Variants in ANTXR1 observed in about 807,000 individuals in gnomAD.
The protein encoded by ANTXR1 is anthrax toxin receptor 1.
In ANTXR1, 19 loss-of-function variants were observed where a neutral mutation model predicts 78.1. That is an observed-to-expected ratio of 0.24 (90% CI 0.17 to 0.36). ANTXR1 has a LOEUF of 0.36. Ranked by LOEUF, ANTXR1 falls within the 10% of genes least tolerant of loss-of-function variation. The probability of loss-of-function intolerance (pLI) is 1.00; values close to 1 mark genes in which losing one functional copy is unlikely to be tolerated. For missense variants in ANTXR1, 518 were observed against 718.6 expected (o/e 0.72, Z 3.19); for synonymous variants, 273 against 260.5 (o/e 1.05, Z -0.46).
intron 13 of ANTXR1, among the ~76,000 whole-genome samples, chr2:69,165,591 CA>C (rs1673805087): frequency 1.3e-5 from 2 of 152,240 alleles, no homozygotes; most frequent in African/African-American, 4.8e-5. Context: ...AGAGGCAAAA[CA>C]GGGGACCACA....
rs201057228 is a variant in ANTXR1 at position 69,225,267 on chromosome 2, G to A, written c.1435-19958G>A. 2.0e-5 allele frequency among the ~76,000 whole-genome samples: 3 copies of A among 152,240 alleles called. No individual in the cohort carries two copies. In the East Asian group the frequency reaches 5.8e-4, roughly 29 times the overall value. Reference sequence around the variant, plus strand: ...GAATTTCTCTCCTGGGTAACACTCTGGCATTTTAAAAGGAGTCTCCATGAG... The same window carrying A: ...GAATTTCTCTCCTGGGTAACACTCTAGCATTTTAAAAGGAGTCTCCATGAG... On this transcript the variant is annotated intron_variant, in intron 17 of 17. Transcript: ENST00000303714.
chr2:69,080,741 G>A (rs1176079263), intron 8 of ANTXR1, among the ~76,000 whole-genome samples: 2 of 152,242 alleles, frequency 1.3e-5, no homozygotes, highest in African/African-American at 2.4e-5. Flanking sequence ...AAGAGTAAAA[G>A]GGTTGACAAA....
At chr2:69,167,305 T>C (rs554491056) in intron 13 of ANTXR1, among the ~76,000 whole-genome samples, 33 of 152,352 alleles carry the variant, frequency 2.2e-4, no homozygotes, top group Non-Finnish European at 4.0e-4. Context: ...GATATCTATT[T>C]TTAAGGCTAC....
At chr2:69,072,402 G>C (rs189373374) in intron 5 of ANTXR1, among the ~76,000 whole-genome samples, 3 of 152,220 alleles carry the variant, frequency 2.0e-5, no homozygotes, top group Admixed American at 2.0e-4. Flanking sequence ...GCCTATAGAG[G>C]TGTCCATTTC....
chr2:69,041,832 T>G (rs759148497), intron 2 of ANTXR1, among the ~76,000 whole-genome samples: 15 of 152,160 alleles, frequency 9.9e-5, no homozygotes, highest in South Asian at 2.1e-4. Context: ...GAGGTTGACA[T>G]GGCTTAATCC....
intron 17 of ANTXR1, among the ~76,000 whole-genome samples, chr2:69,215,627 C>T (rs1294758877): frequency 1.3e-5 from 2 of 152,156 alleles, no homozygotes; most frequent in Non-Finnish European, 2.9e-5. Flanking sequence ...CCTCCTCAGC[C>T]TGCAAGCCAT....
intron 10 of ANTXR1, among the ~76,000 whole-genome samples, chr2:69,113,199 G>A (rs1672043463): frequency 6.6e-6 from 1 of 152,160 alleles, no homozygotes; most frequent in African/African-American, 2.4e-5. Flanking sequence ...CCCTAGTCCT[G>A]CTGTCCTGCG....
At chr2:69,157,971 G>GC (rs1673573057) in intron 13 of ANTXR1, among the ~76,000 whole-genome samples, 1 of 152,092 alleles carries the variant, frequency 6.6e-6, no homozygotes, top group Non-Finnish European at 1.5e-5. Context: ...TTCCATCCTG[G>GC]CCCCACTTCT....
intron 3 of ANTXR1, among the ~76,000 whole-genome samples, chr2:69,048,868 C>T (rs944954860): frequency 1.3e-5 from 2 of 152,128 alleles, no homozygotes; most frequent in African/African-American, 2.4e-5. Context: ...GATTTTCACT[C>T]GAACTGTGTG....
intron 8 of ANTXR1, among the ~76,000 whole-genome samples, chr2:69,085,538 G>A (rs1219707023): frequency 6.6e-6 from 1 of 152,094 alleles, no homozygotes; most frequent in Non-Finnish European, 1.5e-5. Flanking sequence ...ATGCTACAAT[G>A]CCAGTTTATT....
rs1363944664 is a variant in ANTXR1 at position 69,013,483 on chromosome 2, T to TC, written c.-13dup. On this transcript the variant is annotated 5_prime_UTR_variant, in exon 1 of 18. Coordinates refer to ENST00000303714, the MANE Select transcript of ANTXR1 (RefSeq NM_032208.3). This position sits in a 1 kb window ranked among gnomAD's most constrained non-coding sequence, Gnocchi z 5.0. ...GCGTGGGAAGGAGCGGACCCTGCTC[T>TC]CCCCGGGCTGCGGGCCATGGCCACG... is the stretch of plus-strand genomic sequence containing the variant. The TC allele has an allele frequency of 6.3e-7, 1 of 1,586,012 alleles. No individual in the cohort carries two copies. The highest frequency in any genetic ancestry group is 2.3e-5 in the East Asian group (1 of 43,968).
chr2:69,029,485 T>C (rs6546471), intron 1 of ANTXR1, among the ~76,000 whole-genome samples: 36,572 of 151,398 alleles, frequency 0.24, 9,939 homozygotes, highest in African/African-American at 0.66. Context: ...TTAGTTTTTT[T>C]AAATGGTCTA....
At chr2:69,230,731 A>G (rs181994914) in intron 17 of ANTXR1, among the ~76,000 whole-genome samples, 1 of 151,694 alleles carries the variant, frequency 6.6e-6, no homozygotes, top group East Asian at 1.9e-4. Context: ...ATAGGCAAAA[A>G]CCCCTTTCCA....
chr2:69,020,910 AT>A (rs1281326021), intron 1 of ANTXR1, among the ~76,000 whole-genome samples: 1 of 152,230 alleles, frequency 6.6e-6, no homozygotes, highest in Non-Finnish European at 1.5e-5. Context: ...AACAATGCCT[AT>A]TGCAAGCAAT....
intron 9 of ANTXR1, among the ~76,000 whole-genome samples, chr2:69,100,979 C>T (rs758008549): frequency 6.6e-6 from 1 of 152,162 alleles, no homozygotes; most frequent in Non-Finnish European, 1.5e-5. Flanking sequence ...ACCATAGGCC[C>T]GTCACCTTAG....
chr2:69,223,811 T>A (rs1290235055), intron 17 of ANTXR1, among the ~76,000 whole-genome samples: 1 of 152,204 alleles, frequency 6.6e-6, no homozygotes, highest in Non-Finnish European at 1.5e-5. Context: ...TAAGGAAATA[T>A]GAATTGCCTA....
chr2:69,113,500 T>A (rs960660388), intron 10 of ANTXR1, among the ~76,000 whole-genome samples: 2 of 152,118 alleles, frequency 1.3e-5, no homozygotes, highest in African/African-American at 2.4e-5. Context: ...GGTGGCTCTG[T>A]CCCCCATGCC....
At chr2:69,182,395 T>A in intron 15 of ANTXR1, 98 bp from the exon 16 acceptor site, 1 of 1,415,082 alleles carries the variant, frequency 7.1e-7, no homozygotes, top group Non-Finnish European at 9.8e-7. Context: ...CAGGGTTGGG[T>A]AGCATTCACA....
At chr2:69,207,132 ACC>A (rs760473685) in intron 17 of ANTXR1, among the ~76,000 whole-genome samples, 1 of 152,010 alleles carries the variant, frequency 6.6e-6, no homozygotes, top group Non-Finnish European at 1.5e-5. Flanking sequence ...TGCAAAACTT[ACC>A]CAATTTCTGT....
Sources: gnomAD v4.1 joint callset for allele counts (sites outside exome capture counted in the v4.1 genomes callset) on GRCh38, gnomAD v4.1.1 for gene constraint, Gnocchi (gnomAD v3.1) non-coding constraint, MANE v1.5 for transcripts, NCBI Gene and HGNC (gene_info 2026-07-23, HGNC 2026-07-21) for gene names.